The following METTL21A variants were observed in gnomAD, a reference collection of about 807,000 sequenced individuals.
METTL21A encodes the protein protein N-lysine methyltransferase METTL21A.
A neutral mutation model predicts 20.9 loss-of-function variants in METTL21A; 22 were observed. That is an observed-to-expected ratio of 1.05 (90% confidence interval 0.75 to 1.50). The LOEUF is 1.50. METTL21A is among the 40% of genes most tolerant of loss of function. METTL21A has a pLI of 0.00. For synonymous variants in METTL21A, 93 were observed against 102.0 expected (o/e 0.91, Z 0.53); for missense variants, 271 against 266.8 (o/e 1.02, Z -0.11).
intron 3 of METTL21A, among the ~76,000 whole-genome samples, chr2:207,584,704 C>T (rs1353528917): frequency 1.3e-5 from 2 of 152,090 alleles, no homozygotes; most frequent in African/African-American, 4.8e-5. Context: ...GCCCAGCCTT[C>T]ATTAGTGACT....
At chr2:207,602,751 TATATTA>T (rs1673256555) in intron 3 of METTL21A, 1 of 212,292 alleles carries the variant, frequency 4.7e-6, no homozygotes, top group African/African-American at 2.3e-5. Context: ...TAAAATTATT[TATATTA>T]AAAGTGGGAA....
chr2:207,589,080 G>T (rs2106636407), intron 3 of METTL21A, among the ~76,000 whole-genome samples: 1 of 152,134 alleles, frequency 6.6e-6, no homozygotes, highest in South Asian at 2.1e-4. Flanking sequence ...TGATCTTAGG[G>T]GGTGTATTAG....
At chr2:207,590,623 G>C (rs1207378674) in intron 3 of METTL21A, among the ~76,000 whole-genome samples, 1 of 151,828 alleles carries the variant, frequency 6.6e-6, no homozygotes, top group East Asian at 1.9e-4. Context: ...TAAGACAATA[G>C]TTGGATCAGT....
At chr2:207,605,185 T>C (rs1575087207), downstream of METTL21A, among the ~76,000 whole-genome samples, 1 of 152,312 alleles carries the variant, frequency 6.6e-6, no homozygotes, top group East Asian at 1.9e-4. Context: ...CCTTCCACCA[T>C]TGATGTATGA....
intron 3 of METTL21A, chr2:207,620,623 G>A: frequency 1.3e-6 from 2 of 1,505,594 alleles, no homozygotes; most frequent in East Asian, 2.5e-5. Context: ...ACATACACGG[G>A]AATGTTCTAA....
chr2:207,598,827 G>T (rs1422001614), intron 3 of METTL21A: 1 of 163,934 alleles, frequency 6.1e-6, no homozygotes, highest in Admixed American at 7.1e-5. Flanking sequence ...CAGCCTGGGC[G>T]ACTCCATCTC....
At chr2:207,596,323 T>C (rs1559082914) in intron 3 of METTL21A, among the ~76,000 whole-genome samples, 2 of 152,226 alleles carry the variant, frequency 1.3e-5, no homozygotes, top group Admixed American at 6.5e-5. Context: ...TTCTTAGTTA[T>C]TGATATGGAT....
At chr2:207,614,019 T>C (rs2089345631) in intron 3 of METTL21A, among the ~76,000 whole-genome samples, 1 of 152,236 alleles carries the variant, frequency 6.6e-6, no homozygotes, top group South Asian at 2.1e-4. Context: ...TTCTGAATTC[T>C]GCCAACAGAG....
chr2:207,582,560 A>G (rs12477957), intron 3 of METTL21A, among the ~76,000 whole-genome samples: 5,180 of 152,172 alleles, frequency 0.034, 123 homozygotes, highest in Admixed American at 0.068. Context: ...TCCTTTTGAC[A>G]TGCCCCATTT....
chr2:207,596,659 C>T (rs1370624104), intron 3 of METTL21A, among the ~76,000 whole-genome samples: 1 of 152,182 alleles, frequency 6.6e-6, no homozygotes, highest in African/African-American at 2.4e-5. Context: ...TCTTGGACTC[C>T]TGACCTCAGG....
At position 207,621,925 on chromosome 2, in the gene METTL21A, A is replaced by G. The variant is rs2090530514; in HGVS notation, c.148-8T>C. The G allele has an allele frequency of 1.2e-6, 2 of 1,612,038 alleles. No homozygotes were observed. The highest frequency in any genetic ancestry group is 1.7e-6 in the Non-Finnish European group (2 of 1,178,162). ...TGTGGAAAGAACGATGGCCTGAATGAAAACACAGTGTGATGACGATTAAGG... is the reference window on the plus strand; with the variant it reads ...TGTGGAAAGAACGATGGCCTGAATGGAAACACAGTGTGATGACGATTAAGG... On this transcript the variant is annotated splice_polypyrimidine_tract_variant and splice_region_variant and intron_variant, in intron 2 of 3. Transcript: ENST00000406927.
intron 3 of METTL21A, among the ~76,000 whole-genome samples, chr2:207,583,585 TTCAATGAGGTTATA>T (rs2083313163): frequency 6.6e-6 from 1 of 152,198 alleles, no homozygotes; most frequent in Non-Finnish European, 1.5e-5. Context: ...CTCCACCCCT[TTCAATGAGGTTATA>T]TCATATGATT....
chr2:207,624,184 C>T (rs779115663), intron 2 of METTL21A, 45 bp downstream of exon 2: 2 of 1,535,416 alleles, frequency 1.3e-6, no homozygotes, highest in Admixed American at 2.3e-5. Context: ...AAAAGCCAGT[C>T]TTGCAAGTGT....
intron 3 of METTL21A, among the ~76,000 whole-genome samples, chr2:207,591,058 C>G (rs1178908879): frequency 1.3e-5 from 2 of 152,102 alleles, no homozygotes; most frequent in Non-Finnish European, 2.9e-5. Context: ...CAAGAACATA[C>G]TTTGTATTAT....
intron 3 of METTL21A, chr2:207,602,987 T>C (rs1168498683): frequency 4.7e-6 from 1 of 213,754 alleles, no homozygotes; most frequent in Non-Finnish European, 9.5e-6. Flanking sequence ...GGTGTTTGGC[T>C]TTTTGGTTTT....
chr2:207,613,503 AG>A (rs1278719560), intron 3 of METTL21A, 60 bp from the exon 4 acceptor site: 10 of 1,458,668 alleles, frequency 6.9e-6, no homozygotes, highest in Non-Finnish European at 9.1e-6. Context: ...TTAGGTAGAG[AG>A]GGGGTCAAGT....
At chr2:207,624,302 G>C (rs1322926051) in exon 2 of METTL21A, 3 of 1,613,740 alleles carry the variant, frequency 1.9e-6, no homozygotes, top group African/African-American at 1.3e-5. Context: ...GTTTGCAAAG[G>C]AAAAAGTTGC....
chr2:207,581,953 A>C, exon 4 of METTL21A: 1 of 702,402 alleles, frequency 1.4e-6, no homozygotes, highest in Non-Finnish European at 2.6e-6. Flanking sequence ...TTTTCTATGG[A>C]TAGATTGAGA....
intron 3 of METTL21A, among the ~76,000 whole-genome samples, chr2:207,596,099 A>T (rs912335957): frequency 9.8e-5 from 15 of 152,302 alleles, no homozygotes; most frequent in African/African-American, 3.6e-4. Flanking sequence ...TTATAGTTTT[A>T]GGTCTTACGG....
Sources: gnomAD v4.1 joint callset for allele counts (sites outside exome capture counted in the v4.1 genomes callset) on GRCh38, gnomAD v4.1.1 for gene constraint, MANE v1.5 for transcripts, NCBI Gene and HGNC (gene_info 2026-07-23, HGNC 2026-07-21) for gene names.